Variants in STMN4 observed in about 807,000 individuals in gnomAD.
The protein encoded by STMN4 is stathmin-4.
Under a neutral mutation model 29.1 loss-of-function variants are expected in STMN4, and 12 were observed. That is an observed-to-expected ratio of 0.41 (90% CI 0.26 to 0.67). The LOEUF (loss-of-function observed/expected upper bound fraction) is 0.67, where lower values mean the gene tolerates loss of function less well. Among genes scored for constraint, STMN4 ranks in the 30% least tolerant of loss-of-function variants. The pLI, the probability that STMN4 is intolerant of heterozygous loss-of-function variation, is 0.30. For missense variants in STMN4, 181 were observed against 262.8 expected (o/e 0.69, Z 2.15); for synonymous variants, 114 against 105.3 (o/e 1.08, Z -0.51).
intron 1 of STMN4, 21 bp from the exon 2 acceptor site, chr8:27,243,822 G>A (rs1181548868): frequency 2.5e-6 from 4 of 1,606,296 alleles, no homozygotes; most frequent in Admixed American, 1.7e-5. Context: ...GGGAGGACAG[G>A]ATTTTACCAT....
At position 27,236,830 on chromosome 8, in the gene STMN4, C is replaced by G; in HGVS notation, c.*16G>C. 1 of 1,592,382 alleles carries G rather than the reference C, an allele frequency of 6.3e-7. No individual in the cohort carries two copies. Among genetic ancestry groups the G allele is most frequent in the Non-Finnish European group, 8.5e-7 (1 of 1,171,000 alleles). On this transcript the variant is annotated 3_prime_UTR_variant, in exon 7 of 7. Coordinates refer to ENST00000350889, the MANE Select transcript of STMN4 (RefSeq NM_030795.4). Reference sequence around the variant, plus strand: ...AGCTGTCCGGCTGACCTGGAAAGTTCTTTGGCCTCTAGGCTTTACCTGGAG... The same window carrying G: ...AGCTGTCCGGCTGACCTGGAAAGTTGTTTGGCCTCTAGGCTTTACCTGGAG...
chr8:27,248,533 C>T (rs1203756313), intron 1 of STMN4, among the ~76,000 whole-genome samples: 1 of 152,174 alleles, frequency 6.6e-6, no homozygotes, highest in Non-Finnish European at 1.5e-5. Context: ...CTTTATCTCC[C>T]ACCCAGTAGG....
chr8:27,241,025 G>A, intron 5 of STMN4, 29 bp downstream of exon 5: 1 of 1,595,160 alleles, frequency 6.3e-7, no homozygotes, highest in Non-Finnish European at 8.6e-7. Context: ...ATGCTGAGAG[G>A]GAGGAAAGAA....
At chr8:27,258,160 C>A (rs906840391) in intron 1 of STMN4, among the ~76,000 whole-genome samples, 191 bp downstream of exon 1, 1 of 152,178 alleles carries the variant, frequency 6.6e-6, no homozygotes, top group Non-Finnish European at 1.5e-5. Context: ...CCCACCCTCA[C>A]CCCTTGGCCG....
rs574975511 is a variant in STMN4 at position 27,254,579 on chromosome 8, G to A, written c.-79+3772C>T. On this transcript the variant is annotated intron_variant, in intron 1 of 6. Coordinates refer to ENST00000350889, the MANE Select transcript of STMN4 (RefSeq NM_030795.4). Reference sequence around the variant, plus strand: ...AGCAAGCTTTGGGCTTCGGTGGGGAGGGATAGGTATGCCTATGTGTGTGTA... The same window carrying A: ...AGCAAGCTTTGGGCTTCGGTGGGGAAGGATAGGTATGCCTATGTGTGTGTA... 9.2e-5 allele frequency among the ~76,000 whole-genome samples: 14 copies of A among 152,252 alleles called. No individual in the cohort carries two copies. The East Asian group carries it at 2.7e-3, about 29-fold the overall frequency.
At chr8:27,247,721 C>A (rs781464361) in intron 1 of STMN4, among the ~76,000 whole-genome samples, 3 of 152,214 alleles carry the variant, frequency 2.0e-5, no homozygotes, top group Non-Finnish European at 4.4e-5. Context: ...TCAGAGCACA[C>A]AGAGTGCCAG....
intron 1 of STMN4, among the ~76,000 whole-genome samples, chr8:27,248,866 G>A (rs1324961353): frequency 6.6e-6 from 1 of 152,236 alleles, no homozygotes; most frequent in Non-Finnish European, 1.5e-5. Flanking sequence ...TAGGCTGGAA[G>A]CCAAATAGCA....
chr8:27,239,798 C>T (rs565797390), intron 6 of STMN4, 173 bp downstream of exon 6: 1 of 1,535,756 alleles, frequency 6.5e-7, no homozygotes, highest in African/African-American at 1.4e-5. Context: ...TTTCTTGCCT[C>T]TGACTTCCCT....
intron 6 of STMN4, among the ~76,000 whole-genome samples, 192 bp from the exon 7 acceptor site, chr8:27,237,097 G>C (rs1277256476): frequency 4.6e-5 from 7 of 152,214 alleles, no homozygotes; most frequent in Non-Finnish European, 1.0e-4. Flanking sequence ...CAAGCCTACT[G>C]GTGCTGCCCC....
rs1205118212 is a variant in STMN4 at position 27,247,652 on chromosome 8, G to A, written c.-78-3851C>T. 4.6e-5 allele frequency among the ~76,000 whole-genome samples: 7 copies of A among 152,274 alleles called. No individual in the cohort carries two copies. The East Asian group carries it at 1.2e-3, about 25-fold the overall frequency. On this transcript the variant is annotated intron_variant, in intron 1 of 6. Transcript: ENST00000350889. ...AATATACAGCCTGCAAGGGAGCGAGGGCCACCAAACCTCTCCTGGAACTGT... is the reference window on the plus strand; with the variant it reads ...AATATACAGCCTGCAAGGGAGCGAGAGCCACCAAACCTCTCCTGGAACTGT...
rs1801509026 is a variant in STMN4, at chr8:27,242,610, G to C, written c.14-118C>G. On this transcript the variant is annotated intron_variant, in intron 2 of 6. Coordinates refer to ENST00000350889, the MANE Select transcript of STMN4 (RefSeq NM_030795.4). ...TCCATAAAGGCACTCAAACCACGCA[G>C]GCACACGCCAAGCCTGGGGATCCAG... The C allele has an allele frequency of 1.2e-5, 11 of 922,678 alleles. 1 individual carries two copies. In the Admixed American group the frequency reaches 2.4e-4, roughly 20 times the overall value. 57.2% of individuals were successfully genotyped at this position (922,678 alleles called of 1,614,324 possible).
At chr8:27,247,097 A>G (rs1470883281) in intron 1 of STMN4, among the ~76,000 whole-genome samples, 2 of 152,052 alleles carry the variant, frequency 1.3e-5, no homozygotes, top group Non-Finnish European at 2.9e-5. Context: ...TCTACTAAAA[A>G]TACAAAAATT....
intron 1 of STMN4, among the ~76,000 whole-genome samples, chr8:27,257,816 C>T (rs1267333717): frequency 2.0e-5 from 3 of 152,000 alleles, no homozygotes; most frequent in Non-Finnish European, 2.9e-5. Flanking sequence ...CAGGGTGGGG[C>T]GGGGCCAAGA....
At chr8:27,247,882 C>A (rs12541668) in intron 1 of STMN4, among the ~76,000 whole-genome samples, 17,164 of 152,292 alleles carry the variant, frequency 0.11, 1,241 homozygotes, top group Admixed American at 0.22. Flanking sequence ...AAACCTCCAT[C>A]CCCATCCCTC....
At chr8:27,250,795 A>C (rs748061466) in intron 1 of STMN4, among the ~76,000 whole-genome samples, 2 of 152,224 alleles carry the variant, frequency 1.3e-5, no homozygotes, top group Non-Finnish European at 2.9e-5. Flanking sequence ...CACCTATGAC[A>C]AAAGCAGAAC....
intron 1 of STMN4, among the ~76,000 whole-genome samples, chr8:27,257,318 C>G (rs987257123): frequency 3.3e-5 from 5 of 152,150 alleles, no homozygotes; most frequent in African/African-American, 1.2e-4. Context: ...CAACCTCCCA[C>G]CCATCCCTCG....
intron 4 of STMN4, 115 bp downstream of exon 4, chr8:27,241,562 T>C: frequency 7.8e-7 from 1 of 1,280,834 alleles, no homozygotes; most frequent in Non-Finnish European, 1.1e-6. Context: ...ACTGCTGAGC[T>C]GCTCAATTTG....
intron 1 of STMN4, among the ~76,000 whole-genome samples, chr8:27,244,489 C>A (rs1563416367): frequency 6.6e-6 from 1 of 152,178 alleles, no homozygotes; most frequent in Non-Finnish European, 1.5e-5. Context: ...TCCACACCAC[C>A]AGAAATCAGC....
In STMN4 at chr8:27,235,753, G is replaced by T. The variant is rs1801296821; in HGVS notation, c.*1093C>A. The T allele has an allele frequency of 6.6e-6, 1 of 152,142 alleles. No homozygotes were observed. Among genetic ancestry groups the T allele is most frequent in the Non-Finnish European group, 1.5e-5 (1 of 68,040 alleles). The allele number at this position is 152,142 out of a possible 1,614,324, so 9.4% of individuals were successfully genotyped here. ...ATGGGATTAGTGCCTTAAAGAAAAG[G>T]CTCAAGGAAGCCCTTTTGCCCTTCC... On this transcript the variant is annotated 3_prime_UTR_variant, in exon 7 of 7. Coordinates refer to ENST00000350889, the MANE Select transcript of STMN4 (RefSeq NM_030795.4).
Sources: allele counts gnomAD v4.1 joint callset (sites outside exome capture counted in the v4.1 genomes callset), GRCh38; gene constraint gnomAD v4.1.1; transcripts MANE v1.5; gene names NCBI Gene and HGNC (gene_info 2026-07-23, HGNC 2026-07-21).